The following CPT1A variants were observed in gnomAD, a reference collection of about 807,000 sequenced individuals.
CPT1A encodes the protein carnitine palmitoyltransferase 1A.
Under a neutral mutation model 100.8 loss-of-function variants are expected in CPT1A, and 64 were observed. The observed-to-expected ratio is 0.63, with a 90% CI of 0.52 to 0.78. CPT1A has a LOEUF of 0.78. Among genes scored for constraint, CPT1A ranks in the 30% least tolerant of loss-of-function variants. CPT1A has a pLI of 0.00. For synonymous variants in CPT1A, 363 were observed against 396.0 expected (o/e 0.92, Z 0.99); for missense variants, 802 against 1,034.1 (o/e 0.78, Z 3.08).
intron 2 of CPT1A, among the ~76,000 whole-genome samples, chr11:68,814,614 CAG>C (rs1425383871): frequency 6.6e-6 from 1 of 151,866 alleles, no homozygotes; most frequent in African/African-American, 2.4e-5. Context: ...GGACCTTATG[CAG>C]AGAGTTTCTA....
chr11:68,842,772 G>C (rs970108740), upstream of CPT1A, among the ~76,000 whole-genome samples: 2 of 151,986 alleles, frequency 1.3e-5, no homozygotes, highest in South Asian at 2.1e-4. Context: ...GGAGTCTAGG[G>C]CGAGCGCAGC....
chr11:68,800,482 C>T (rs1318468562), intron 5 of CPT1A, among the ~76,000 whole-genome samples: 2 of 144,858 alleles, frequency 1.4e-5, no homozygotes, highest in East Asian at 2.0e-4. Flanking sequence ...TGAGACCCCC[C>T]ATCTCTGCAA....
intron 10 of CPT1A, among the ~76,000 whole-genome samples, chr11:68,782,669 G>A (rs574192777): frequency 6.6e-6 from 1 of 152,296 alleles, no homozygotes; most frequent in African/African-American, 2.4e-5. Flanking sequence ...TCTCACTCCA[G>A]CTCCTCCAGG....
chr11:68,837,049 CTCTTT>C (rs772173762), intron 1 of CPT1A, among the ~76,000 whole-genome samples: 34 of 152,176 alleles, frequency 2.2e-4, no homozygotes, highest in East Asian at 5.8e-4. Context: ...CTCTTCTCTT[CTCTTT>C]TCTTTTCTTT....
intron 14 of CPT1A, among the ~76,000 whole-genome samples, chr11:68,768,388 T>G (rs904854242): frequency 1.2e-4 from 19 of 152,016 alleles, no homozygotes; most frequent in African/African-American, 4.6e-4. Flanking sequence ...CAGCATTAAC[T>G]TTTAAGATTT....
At chr11:68,776,323 C>T (rs1855138557) in intron 12 of CPT1A, among the ~76,000 whole-genome samples, 2 of 152,036 alleles carry the variant, frequency 1.3e-5, no homozygotes, top group South Asian at 2.1e-4. Context: ...CACCTGAGCC[C>T]AGGAGGTCAT....
At chr11:68,832,798 C>G (rs751229243) in intron 1 of CPT1A, among the ~76,000 whole-genome samples, 5 of 152,228 alleles carry the variant, frequency 3.3e-5, no homozygotes, top group Non-Finnish European at 5.9e-5. Flanking sequence ...CGGTAAACAA[C>G]TATGTTGGAA....
Position 68,841,105 on chromosome 11 carries a change from G to A in CPT1A, c.-14+670C>T, listed in dbSNP as rs1857148618. 2.0e-5 allele frequency among the ~76,000 whole-genome samples: 3 copies of A among 152,252 alleles called. No homozygotes were observed. On this transcript the variant is annotated intron_variant, in intron 1 of 18. Coordinates refer to ENST00000265641, the MANE Select transcript of CPT1A (RefSeq NM_001876.4). This position sits in a 1 kb window ranked among gnomAD's most constrained non-coding sequence, Gnocchi z 6.3. ...TGCACCGCGAGGGCGGGCATGGGGA[G>A]GGGGACCGGGGAGACGGACGCTGGG...
chr11:68,839,695 C>T (rs991079718), intron 1 of CPT1A: 3 of 985,410 alleles, frequency 3.0e-6, no homozygotes, highest in African/African-American at 3.5e-5. Context: ...AAAAGGGGCT[C>T]ACTGTGAAGC....
chr11:68,812,061 A>C (rs1435595420), intron 3 of CPT1A, among the ~76,000 whole-genome samples: 2 of 152,120 alleles, frequency 1.3e-5, no homozygotes, highest in Non-Finnish European at 2.9e-5. Flanking sequence ...GAATGAACAG[A>C]CTCCAAGTGC....
At chr11:68,800,954 G>C (rs964020783) in intron 5 of CPT1A, among the ~76,000 whole-genome samples, 1 of 151,650 alleles carries the variant, frequency 6.6e-6, no homozygotes, top group Non-Finnish European at 1.5e-5. Flanking sequence ...GTCTCTACAA[G>C]AAAGTATTTG....
At chr11:68,819,548 G>A (rs1033637117) in intron 1 of CPT1A, among the ~76,000 whole-genome samples, 3 of 152,204 alleles carry the variant, frequency 2.0e-5, no homozygotes, top group African/African-American at 7.2e-5. Context: ...GAACACAAAG[G>A]CATTATTCAT....
intron 14 of CPT1A, among the ~76,000 whole-genome samples, chr11:68,768,307 C>T (rs1052817290): frequency 8.6e-5 from 13 of 151,942 alleles, no homozygotes; most frequent in Non-Finnish European, 1.8e-4. Context: ...GATCTTCTGA[C>T]CTCATGATCC....
intron 1 of CPT1A, among the ~76,000 whole-genome samples, chr11:68,818,193 C>T (rs1856484934): frequency 6.6e-6 from 1 of 152,090 alleles, no homozygotes; most frequent in East Asian, 1.9e-4. Flanking sequence ...GACAATGACC[C>T]ACACAAGACA....
At chr11:68,762,785 T>C in intron 14 of CPT1A, 24 bp from the exon 15 acceptor site, 2 of 1,613,838 alleles carry the variant, frequency 1.2e-6, no homozygotes, top group Non-Finnish European at 8.5e-7. Context: ...AGTACTTCAG[T>C]GCACGGCAGG....
chr11:68,785,618 A>AC (rs1172778299), intron 9 of CPT1A: 68 of 156,746 alleles, frequency 4.3e-4, no homozygotes, highest in Admixed American at 2.0e-3. Context: ...ATTAAAAAAA[A>AC]AAAAACAAAT....
chr11:68,782,964 G>A (rs1291616607), intron 10 of CPT1A, among the ~76,000 whole-genome samples: 3 of 152,182 alleles, frequency 2.0e-5, no homozygotes, highest in Non-Finnish European at 4.4e-5. Flanking sequence ...CCCAGGCCCC[G>A]CGGCGCCGGC....
chr11:68,814,100 G>A lies in CPT1A; in HGVS notation c.141+1234C>T, dbSNP rs372201355. ...GGCTGGCAGGGGGGTCAGCGGGGGG[G>A]GATTTCCACTTTTGACTTGATGAAC... On this transcript the variant is annotated intron_variant, in intron 2 of 18. Coordinates refer to ENST00000265641, the MANE Select transcript of CPT1A (RefSeq NM_001876.4). Among the ~76,000 whole-genome samples the A allele has an allele frequency of 4.6e-5, 7 of 151,910 alleles. No homozygotes were observed. In the East Asian group the frequency reaches 1.2e-3, roughly 25 times the overall value.
At chr11:68,811,548 G>A (rs1856208090) in intron 3 of CPT1A, among the ~76,000 whole-genome samples, 1 of 152,166 alleles carries the variant, frequency 6.6e-6, no homozygotes, top group African/African-American at 2.4e-5. Flanking sequence ...CTGGGGCAGG[G>A]GGTGGGGGGA....
Sources: allele counts gnomAD v4.1 joint callset (sites outside exome capture counted in the v4.1 genomes callset), GRCh38; gene constraint gnomAD v4.1.1; non-coding constraint Gnocchi (gnomAD v3.1); transcripts MANE v1.5; gene names NCBI Gene and HGNC (gene_info 2026-07-23, HGNC 2026-07-21).